DOCK3: variants seen among roughly 807,000 people sequenced by gnomAD.
The protein encoded by DOCK3 is dedicator of cytokinesis 3.
A neutral mutation model predicts 265.6 loss-of-function variants in DOCK3; 60 were observed. The observed-to-expected ratio is 0.23, with a 90% CI of 0.18 to 0.28. The LOEUF (loss-of-function observed/expected upper bound fraction) is 0.28. DOCK3 is among the 10% of genes least tolerant of loss of function. DOCK3 has a pLI of 1.00. For synonymous variants in DOCK3, 881 were observed against 938.0 expected (o/e 0.94, Z 1.11); for missense variants, 1,981 against 2,594.3 (o/e 0.76, Z 5.14).
chr3:51,270,846 T>C lies in DOCK3; in HGVS notation c.2387T>C (p.Phe796Ser). Residue 796 changes from phenylalanine to serine, a missense_variant, in exon 24 of 53, where the codon TTT becomes TCT. Transcript: ENST00000266037. ...AALLNSFPTIFDELLQMFTVQ... is the reference protein window; with the variant it reads ...AALLNSFPTISDELLQMFTVQ... ...CTCCTCAATTCTTTCCCAACCATCTTTGATGAGCTTCTGCAAATGTTCACC... is the reference window on the plus strand; with the variant it reads ...CTCCTCAATTCTTTCCCAACCATCTCTGATGAGCTTCTGCAAATGTTCACC... 6.2e-7 allele frequency: 1 copy of C among 1,613,976 alleles called. No individual in the cohort carries two copies. Among genetic ancestry groups the C allele is most frequent in the Non-Finnish European group, 8.5e-7 (1 of 1,179,882 alleles).
chr3:50,979,718 C>A (rs1325950781), intron 5 of DOCK3, among the ~76,000 whole-genome samples: 1 of 152,194 alleles, frequency 6.6e-6, no homozygotes, highest in African/African-American at 2.4e-5. Flanking sequence ...TGGCAACAGA[C>A]TGACACAGAT....
intron 5 of DOCK3, among the ~76,000 whole-genome samples, chr3:50,952,655 T>C (rs947376137): frequency 3.9e-5 from 6 of 152,156 alleles, no homozygotes; most frequent in Non-Finnish European, 8.8e-5. Flanking sequence ...GTCACTGGGT[T>C]CCATGAGAGG....
chr3:50,789,767 C>T (rs1214162158), intron 2 of DOCK3, among the ~76,000 whole-genome samples: 1 of 152,104 alleles, frequency 6.6e-6, no homozygotes, highest in Non-Finnish European at 1.5e-5. Context: ...TGTCTGTCAT[C>T]CAGGTTGGAA....
At chr3:50,922,181 C>T (rs914214766) in intron 4 of DOCK3, among the ~76,000 whole-genome samples, 4 of 152,196 alleles carry the variant, frequency 2.6e-5, no homozygotes, top group Non-Finnish European at 5.9e-5. Context: ...AGGCAGGCCT[C>T]CTTGAGCTGC....
At chr3:51,164,201 C>T (rs2086266473) in intron 12 of DOCK3, among the ~76,000 whole-genome samples, 1 of 152,094 alleles carries the variant, frequency 6.6e-6, no homozygotes, top group South Asian at 2.1e-4. Context: ...TGTAGCTTTG[C>T]TCTTTTTTAA....
intron 1 of DOCK3, among the ~76,000 whole-genome samples, chr3:50,747,960 A>G (rs1177605509): frequency 6.6e-6 from 1 of 152,160 alleles, no homozygotes; most frequent in Non-Finnish European, 1.5e-5. Context: ...CTTGTAATGT[A>G]TGACACTGCT....
intron 5 of DOCK3, among the ~76,000 whole-genome samples, chr3:51,043,885 A>G (rs927915492): frequency 3.3e-5 from 5 of 152,108 alleles, no homozygotes; most frequent in African/African-American, 9.6e-5. Context: ...GACACCATCT[A>G]ATACCAATCA....
At chr3:51,184,484 T>C (rs767503097) in intron 12 of DOCK3, among the ~76,000 whole-genome samples, 28 of 151,340 alleles carry the variant, frequency 1.9e-4, no homozygotes, top group Middle Eastern at 3.4e-3. Flanking sequence ...GGTGGGAGTA[T>C]ATCAAAGGAA....
At chr3:51,061,493 A>G (rs985539426) in intron 5 of DOCK3, among the ~76,000 whole-genome samples, 1 of 151,964 alleles carries the variant, frequency 6.6e-6, no homozygotes. Flanking sequence ...GTTCTCACTC[A>G]TAGATGGGAA....
intron 5 of DOCK3, among the ~76,000 whole-genome samples, chr3:51,036,636 T>C (rs1339630279): frequency 2.0e-5 from 3 of 152,144 alleles, no homozygotes; most frequent in African/African-American, 7.2e-5. Flanking sequence ...CAGCTAAGGC[T>C]CCATTTCTCT....
intron 5 of DOCK3, among the ~76,000 whole-genome samples, chr3:50,956,039 GCTT>G (rs2076720172): frequency 2.0e-5 from 3 of 151,158 alleles, no homozygotes; most frequent in African/African-American, 4.9e-5. Flanking sequence ...GAGGTCAACT[GCTT>G]CTTATTTTCT....
At chr3:50,677,144 A>G (rs1299197183) in intron 1 of DOCK3, among the ~76,000 whole-genome samples, 1 of 152,224 alleles carries the variant, frequency 6.6e-6, no homozygotes, top group East Asian at 1.9e-4. Flanking sequence ...GCAGAGCTTA[A>G]TGCTTGCTAA....
chr3:50,911,870 T>G (rs1260005412), intron 4 of DOCK3, among the ~76,000 whole-genome samples: 1 of 152,124 alleles, frequency 6.6e-6, no homozygotes, highest in Non-Finnish European at 1.5e-5. Context: ...ATAGTTTTCC[T>G]TGTAGAGATC....
intron 23 of DOCK3, among the ~76,000 whole-genome samples, chr3:51,267,767 T>A (rs1225199701): frequency 6.6e-6 from 1 of 152,070 alleles, no homozygotes; most frequent in Non-Finnish European, 1.5e-5. Context: ...ATAGACTAGA[T>A]AAAGAAAATG....
chr3:50,680,925 C>G (rs2034365281), intron 1 of DOCK3, among the ~76,000 whole-genome samples: 1 of 152,128 alleles, frequency 6.6e-6, no homozygotes, highest in Non-Finnish European at 1.5e-5. Context: ...TAGATTGTCT[C>G]TTTACTCTTT....
At chr3:50,988,701 T>C (rs1382999465) in intron 5 of DOCK3, among the ~76,000 whole-genome samples, 1 of 152,150 alleles carries the variant, frequency 6.6e-6, no homozygotes, top group Non-Finnish European at 1.5e-5. Context: ...CCGTCACTTG[T>C]GACACCTCCA....
At chr3:51,226,407 T>C (rs928649704) in intron 15 of DOCK3, among the ~76,000 whole-genome samples, 3 of 152,220 alleles carry the variant, frequency 2.0e-5, no homozygotes, top group African/African-American at 7.2e-5. Flanking sequence ...AAATCGGTGT[T>C]GTACGAACCT....
chr3:51,099,746 G>A (rs1040668104), intron 9 of DOCK3, among the ~76,000 whole-genome samples: 3 of 152,232 alleles, frequency 2.0e-5, no homozygotes, highest in African/African-American at 2.4e-5. Flanking sequence ...AGCTTACATA[G>A]TAGGGACAGA....
At chr3:50,930,049 G>C (rs2050971548) in intron 4 of DOCK3, among the ~76,000 whole-genome samples, 1 of 152,188 alleles carries the variant, frequency 6.6e-6, no homozygotes, top group Non-Finnish European at 1.5e-5. Flanking sequence ...CTTTACCAAA[G>C]TAGCTTAGCT....
Sources: gnomAD v4.1 joint callset for allele counts (sites outside exome capture counted in the v4.1 genomes callset) on GRCh38, gnomAD v4.1.1 for gene constraint, MANE v1.5 for transcripts, NCBI Gene and HGNC (gene_info 2026-07-23, HGNC 2026-07-21) for gene names.